The following TEX9 variants were observed in gnomAD, a reference collection of about 807,000 sequenced individuals.
TEX9 encodes the protein testis-expressed protein 9.
In TEX9, 74 loss-of-function variants were observed where a neutral mutation model predicts 59.6. The ratio of observed to expected loss-of-function variants is 1.24; its 90% confidence interval spans 1.03 to 1.51. TEX9 has a LOEUF of 1.51. TEX9 is among the 40% of genes most tolerant of loss of function. TEX9 has a pLI of 0.00. For missense variants in TEX9, 522 were observed against 447.8 expected (o/e 1.17, Z -1.49); for synonymous variants, 186 against 152.2 (o/e 1.22, Z -1.64).
intron 1 of TEX9, among the ~76,000 whole-genome samples, chr15:56,267,805 A>G (rs1306489933): frequency 1.3e-5 from 2 of 152,200 alleles, no homozygotes; most frequent in Non-Finnish European, 2.9e-5. Context: ...TGTCTTGGCA[A>G]TGTGGGCTCT....
rs8026111 is a variant in TEX9, at chr15:56,373,629, C to T, written c.183+125C>T. ...GTGTGTTCAGTTCAATGAATTATTA[C>T]AAATTGAACATGAATATATATGCAT... On this transcript the variant is annotated intron_variant, in intron 3 of 12. Coordinates refer to ENST00000352903, the Ensembl canonical transcript of TEX9. 0.019 allele frequency: 13,045 copies of T among 686,966 alleles called. 1,343 individuals are homozygous for T. In the African/African-American group the frequency reaches 0.22, roughly 12 times the overall value. The allele number at this position is 686,966 out of a possible 1,614,324, so 42.6% of individuals were successfully genotyped here. A position where few individuals can be genotyped will look rare whatever the true frequency, so the allele number is the denominator to read the frequency against.
At chr15:56,251,724 G>T (rs1038452520) in intron 1 of TEX9, among the ~76,000 whole-genome samples, 1 of 152,118 alleles carries the variant, frequency 6.6e-6, no homozygotes, top group Non-Finnish European at 1.5e-5. Context: ...GATAGGAGCA[G>T]TAGGCCCAGG....
chr15:56,311,153 TTA>T (rs1246186270), intron 1 of TEX9, among the ~76,000 whole-genome samples: 12 of 148,704 alleles, frequency 8.1e-5, no homozygotes, highest in Admixed American at 6.8e-5. Context: ...CTTTTTTTTT[TTA>T]ATTATACTTT....
intron 3 of TEX9, among the ~76,000 whole-genome samples, 168 bp from the exon 4 acceptor site, chr15:56,383,784 G>T (rs2047839562): frequency 6.6e-6 from 1 of 152,164 alleles, no homozygotes; most frequent in South Asian, 2.1e-4. Flanking sequence ...GGTGCAACTA[G>T]TGTTATAGAC....
At chr15:56,310,866 A>G (rs116636952) in intron 1 of TEX9, among the ~76,000 whole-genome samples, 10,620 of 152,194 alleles carry the variant, frequency 0.07, 463 homozygotes, top group Non-Finnish European at 0.1. Flanking sequence ...ACCTCAACAG[A>G]GTTTTCAAAA....
chr15:56,438,456 ACT>A (rs1331979385), intron 12 of TEX9, among the ~76,000 whole-genome samples: 11 of 152,158 alleles, frequency 7.2e-5, no homozygotes, highest in African/African-American at 1.9e-4. Context: ...GAAAGCTGAA[ACT>A]GGATCCCTTC....
intron 1 of TEX9, among the ~76,000 whole-genome samples, chr15:56,359,201 G>A (rs1268579416): frequency 2.0e-5 from 3 of 151,876 alleles, no homozygotes; most frequent in Non-Finnish European, 2.9e-5. Context: ...TTTTTATTGT[G>A]GTCAAATATA....
chr15:56,416,132 A>G (rs769121530), intron 10 of TEX9, among the ~76,000 whole-genome samples: 1 of 151,864 alleles, frequency 6.6e-6, no homozygotes, highest in African/African-American at 2.4e-5. Context: ...TTGGGACAAG[A>G]CTATGGGGTC....
At chr15:56,413,316 TTATTTAATAATTAAAACAA>T (rs1219182981) in intron 10 of TEX9, among the ~76,000 whole-genome samples, 2 of 144,010 alleles carry the variant, frequency 1.4e-5, no homozygotes, top group African/African-American at 2.5e-5. Context: ...TAATAATTTA[TTATTTAATAATTAAAACAA>T]TATTTAATAA....
intron 9 of TEX9, among the ~76,000 whole-genome samples, chr15:56,407,141 A>C (rs1333310924): frequency 6.6e-6 from 1 of 151,958 alleles, no homozygotes; most frequent in African/African-American, 2.4e-5. Flanking sequence ...ATCTATTTCA[A>C]GTTCATTTTG....
chr15:56,300,702 AGAGAGG>A (rs1349090597), intron 1 of TEX9, among the ~76,000 whole-genome samples: 4 of 56,682 alleles, frequency 7.1e-5, no homozygotes, highest in East Asian at 3.5e-4. Flanking sequence ...AGAGAGAGAG[AGAGAGG>A]GAGAGAGAGA....
chr15:56,441,418 C>T (rs191313204), intron 12 of TEX9, among the ~76,000 whole-genome samples: 271 of 152,064 alleles, frequency 1.8e-3, no homozygotes, highest in Non-Finnish European at 3.0e-3. Flanking sequence ...GCTTTCAATA[C>T]GATATCCTGC....
chr15:56,369,928 CTT>C (rs1389111394), intron 2 of TEX9, among the ~76,000 whole-genome samples: 2 of 151,810 alleles, frequency 1.3e-5, no homozygotes, highest in South Asian at 4.2e-4. Context: ...TTGGGAATAT[CTT>C]GTTTGACTTA....
At position 56,319,430 on chromosome 15, in the gene TEX9, A is replaced by C. The variant is rs552509002; in HGVS notation, c.-106-54011A>C. Among the ~76,000 whole-genome samples the C allele has an allele frequency of 8.6e-5, 13 of 152,018 alleles. No individual in the cohort carries two copies. The East Asian group carries it at 2.1e-3, about 25-fold the overall frequency. ...CATAGTGGGCATTTCAACCCTTCTG[A>C]TGCTCTGATTGCAGATTTCAGAACT... On this transcript the variant is annotated intron_variant, in intron 1 of 5. Coordinates refer to the TEX9 transcript ENST00000560827.
At chr15:56,301,239 C>G (rs2045353117) in intron 1 of TEX9, among the ~76,000 whole-genome samples, 1 of 152,138 alleles carries the variant, frequency 6.6e-6, no homozygotes, top group South Asian at 2.1e-4. Context: ...GCATTGGTTT[C>G]TCAACAGCAG....
intron 12 of TEX9, among the ~76,000 whole-genome samples, chr15:56,438,940 G>A (rs563277462): frequency 2.0e-5 from 3 of 152,182 alleles, no homozygotes; most frequent in East Asian, 1.9e-4. Flanking sequence ...CTAGCCAGTG[G>A]TGCTGGAAAT....
rs560236339 is a variant in TEX9 at position 56,349,808 on chromosome 15, CGTGT to C, written c.-106-23624_-106-23621del. Among the ~76,000 whole-genome samples, 149 of 150,986 alleles carry C rather than the reference CGTGT, an allele frequency of 9.9e-4. 1 individual carries two copies. The highest frequency in any genetic ancestry group is 3.5e-3 in the African/African-American group (143 of 41,082). Reference sequence around the variant, plus strand: ...GTGCATATATATATGTATGTGTGTGCGTGTGTGTGTGTTTGTGTCCAGATTTATA... The same window carrying C: ...GTGCATATATATATGTATGTGTGTGCGTGTGTGTTTGTGTCCAGATTTATA... On this transcript the variant is annotated intron_variant, in intron 1 of 5. Coordinates refer to the TEX9 transcript ENST00000560827.
intron 1 of TEX9, among the ~76,000 whole-genome samples, chr15:56,351,490 C>A (rs1596109996): frequency 6.6e-6 from 1 of 152,272 alleles, no homozygotes; most frequent in East Asian, 1.9e-4. Context: ...ATGTCACATG[C>A]AGAGGACTGA....
the TEX9 span, chr15:56,456,633 A>G: frequency 2.9e-6 from 3 of 1,040,586 alleles, no homozygotes; most frequent in East Asian, 5.1e-5. Flanking sequence ...ACAATTGATG[A>G]TGTTTTATTT....
Sources: allele counts gnomAD v4.1 joint callset (sites outside exome capture counted in the v4.1 genomes callset), GRCh38; gene constraint gnomAD v4.1.1; transcripts MANE v1.5; gene names NCBI Gene and HGNC (gene_info 2026-07-23, HGNC 2026-07-21).